Variants in HMGB1 observed in about 807,000 individuals in gnomAD.
HMGB1 encodes high mobility group protein B1.
For synonymous variants in HMGB1, 81 were observed against 84.0 expected, an observed-to-expected ratio of 0.96 and a Z score of 0.19; for missense variants, 79 against 253.5, an observed-to-expected ratio of 0.31 and a Z score of 4.67.
intron 1 of HMGB1, among the ~76,000 whole-genome samples, chr13:30,567,952 G>C (rs1406853496): frequency 1.3e-5 from 2 of 152,198 alleles, no homozygotes; most frequent in East Asian, 3.8e-4. Context: ...AGCTAAAGAT[G>C]AAGACTCGTC....
chr13:30,481,493 T>C (rs1316828596), intron 1 of HMGB1, among the ~76,000 whole-genome samples: 1 of 152,232 alleles, frequency 6.6e-6, no homozygotes, highest in African/African-American at 2.4e-5. Flanking sequence ...TAAGAAAGAA[T>C]GCGTATCTCC....
intron 1 of HMGB1, among the ~76,000 whole-genome samples, chr13:30,561,514 G>A (rs893622578): frequency 2.6e-5 from 4 of 152,142 alleles, no homozygotes; most frequent in African/African-American, 4.8e-5. Flanking sequence ...GGACACTGCT[G>A]CCAAGTAGTC....
At chr13:30,591,560 G>C (rs997936994) in intron 1 of HMGB1, among the ~76,000 whole-genome samples, 1 of 151,044 alleles carries the variant, frequency 6.6e-6, no homozygotes, top group Non-Finnish European at 1.5e-5. Flanking sequence ...AGCCAGGCTG[G>C]AGTGCAGTGG....
intron 2 of HMGB1, 24 bp downstream of exon 2, chr13:30,463,506 GT>G (rs1593255030): frequency 6.3e-7 from 1 of 1,596,070 alleles, no homozygotes; most frequent in Non-Finnish European, 8.5e-7. Context: ...TAATTACCTT[GT>G]TAGCATGTTT....
intron 1 of HMGB1, among the ~76,000 whole-genome samples, chr13:30,607,582 T>C (rs1044487665): frequency 6.6e-6 from 1 of 152,226 alleles, no homozygotes; most frequent in African/African-American, 2.4e-5. Flanking sequence ...TCTCAGGTAG[T>C]TCTTTACAGC....
At chr13:30,485,957 C>T (rs1349694822) in intron 1 of HMGB1, among the ~76,000 whole-genome samples, 1 of 152,194 alleles carries the variant, frequency 6.6e-6, no homozygotes, top group East Asian at 1.9e-4. Flanking sequence ...CGGGGCCATA[C>T]ACCACCTTAC....
chr13:30,546,966 T>TCTCC (rs374068214), intron 1 of HMGB1, among the ~76,000 whole-genome samples: 26 of 152,330 alleles, frequency 1.7e-4, no homozygotes, highest in Non-Finnish European at 3.5e-4. Flanking sequence ...GGTCCATGTG[T>TCTCC]CTCCCATCTT....
At position 30,462,785 on chromosome 13, in the gene HMGB1, A is replaced by G; in HGVS notation, c.297-73T>C. On this transcript the variant is annotated intron_variant, in intron 3 of 4. Transcript: ENST00000341423. ...ACAAATACTATCAAGTGTACACTGCATTGCTATTTAAAGCTGCCTGTGAAT... is the reference window on the plus strand; with the variant it reads ...ACAAATACTATCAAGTGTACACTGCGTTGCTATTTAAAGCTGCCTGTGAAT... The G allele has an allele frequency of 2.4e-6, 3 of 1,225,230 alleles. No homozygotes were observed. The East Asian group carries it at 7.3e-5, about 30-fold the overall frequency. 75.9% of individuals were successfully genotyped at this position (1,225,230 alleles called of 1,614,324 possible).
rs550792884 is a variant in HMGB1 at position 30,504,448 on chromosome 13, TC to T, written c.-14-40755del. Reference sequence around the variant, plus strand: ...TCTTTTGGTTTTGTTTTGCTTTTTTTCCCCCCAACAGTTCTCTGGTTGGTTA... The same window carrying T: ...TCTTTTGGTTTTGTTTTGCTTTTTTTCCCCCAACAGTTCTCTGGTTGGTTA... On this transcript the variant is annotated intron_variant, in intron 1 of 4. Transcript: ENST00000405805. 5.9e-5 allele frequency among the ~76,000 whole-genome samples: 9 copies of T among 152,272 alleles called. 1 individual carries two copies. Among genetic ancestry groups the T allele is most frequent in the Middle Eastern group, 6.8e-3 (2 of 294 alleles).
At chr13:30,517,451 C>A (rs1888125907) in intron 1 of HMGB1, among the ~76,000 whole-genome samples, 1 of 152,256 alleles carries the variant, frequency 6.6e-6, no homozygotes, top group South Asian at 2.1e-4. Context: ...GTCACCCAGA[C>A]TGGAGTGCAG....
intron 4 of HMGB1, chr13:30,461,749 C>CAT: frequency 8.0e-7 from 1 of 1,256,830 alleles, no homozygotes; most frequent in Non-Finnish European, 1.1e-6. Context: ...CATGAAATGG[C>CAT]ATAGTCTAAT....
chr13:30,538,478 CTTTCTTTCTTTCTTTCTTT>C lies in HMGB1; in HGVS notation c.-14-74803_-14-74785del, dbSNP rs1328293673. 5.9e-4 allele frequency among the ~76,000 whole-genome samples: 19 copies of C among 32,206 alleles called. No individual in the cohort carries two copies. The East Asian group carries it at 7.2e-3, about 12-fold the overall frequency. 21.1% of individuals were successfully genotyped at this position (32,206 alleles called of 152,430 possible). ...TCTTTCTTTCTTTCTTTCTTTCTTT[CTTTCTTTCTTTCTTTCTTT>C]CTTTCTTTCTTTCCTTTCTTTCTTT... On this transcript the variant is annotated intron_variant, in intron 1 of 4. Transcript: ENST00000405805.
At chr13:30,499,074 T>C (rs1887679466) in intron 1 of HMGB1, among the ~76,000 whole-genome samples, 2 of 151,982 alleles carry the variant, frequency 1.3e-5, no homozygotes, top group Non-Finnish European at 2.9e-5. Flanking sequence ...TGCCTTAGTC[T>C]CCTAAGTAGC....
At chr13:30,492,142 T>C (rs1247558454) in intron 1 of HMGB1, among the ~76,000 whole-genome samples, 1 of 150,846 alleles carries the variant, frequency 6.6e-6, no homozygotes, top group African/African-American at 2.4e-5. Flanking sequence ...CACTCCAGCC[T>C]GGGCGATGAG....
chr13:30,504,200 T>G (rs138800305), intron 1 of HMGB1, among the ~76,000 whole-genome samples: 40 of 152,160 alleles, frequency 2.6e-4, no homozygotes, highest in African/African-American at 9.2e-4. Flanking sequence ...GGAAGGACAG[T>G]TAGAAGGCTG....
chr13:30,459,479 T>C lies in HMGB1; in HGVS notation c.*1878A>G, dbSNP rs1886169471. On this transcript the variant is annotated 3_prime_UTR_variant, in exon 5 of 5. Transcript: ENST00000341423. ...TGGTGATTTCTATACAGTAGAAACT[T>C]CCATCTAAATCAGATTGAGTCATTT... The C allele has an allele frequency of 6.6e-6, 1 of 152,186 alleles. No individual in the cohort carries two copies. Among genetic ancestry groups the C allele is most frequent in the Non-Finnish European group, 1.5e-5 (1 of 68,012 alleles). 9.4% of individuals were successfully genotyped at this position (152,186 alleles called of 1,614,324 possible).
chr13:30,497,445 G>GT (rs386378693), intron 1 of HMGB1, among the ~76,000 whole-genome samples: 87,954 of 147,698 alleles, frequency 0.6, 26,356 homozygotes, highest in African/African-American at 0.67. Context: ...TGGCCAGGCT[G>GT]TTTTTTTTTT....
chr13:30,502,043 A>G (rs1425038496), intron 1 of HMGB1, among the ~76,000 whole-genome samples: 2 of 152,218 alleles, frequency 1.3e-5, no homozygotes, highest in Non-Finnish European at 2.9e-5. Context: ...GGATTTTTTA[A>G]GCCAGGACCC....
chr13:30,504,022 ATTT>A (rs56320755), intron 1 of HMGB1, among the ~76,000 whole-genome samples: 3 of 148,636 alleles, frequency 2.0e-5, no homozygotes, highest in Non-Finnish European at 3.0e-5. Flanking sequence ...AAAAATCACC[ATTT>A]TTTTTTTTAA....
Sources: allele counts gnomAD v4.1 joint callset (sites outside exome capture counted in the v4.1 genomes callset), GRCh38; gene constraint gnomAD v4.1.1; transcripts MANE v1.5; gene names NCBI Gene and HGNC (gene_info 2026-07-23, HGNC 2026-07-21).